The following PCSK6 variants were observed in gnomAD, a reference collection of about 807,000 sequenced individuals.
PCSK6 encodes proprotein convertase subtilisin/kexin type 6, also known as paired basic amino acid cleaving enzyme 4.
A neutral mutation model predicts 123.3 loss-of-function variants in PCSK6; 85 were observed. The observed-to-expected ratio is 0.69, with a 90% confidence interval of 0.58 to 0.83. The LOEUF (loss-of-function observed/expected upper bound fraction) is 0.83. Among genes scored for constraint, PCSK6 ranks in the 40% least tolerant of loss-of-function variants. The pLI, the probability that PCSK6 is intolerant of heterozygous loss-of-function variation, is 0.00. For missense variants in PCSK6, 1,191 were observed against 1,282.3 expected, an observed-to-expected ratio of 0.93 and a Z score of 1.09; for synonymous variants, 508 against 516.0, an observed-to-expected ratio of 0.98 and a Z score of 0.21.
At chr15:101,349,013 C>T (rs576856702) in intron 13 of PCSK6, among the ~76,000 whole-genome samples, 7 of 152,334 alleles carry the variant, frequency 4.6e-5, no homozygotes, top group African/African-American at 1.2e-4. Context: ...GCAAAAGCAC[C>T]ACAGTTCTGA....
Position 101,326,402 on chromosome 15 carries a change from T to C in PCSK6, c.2155A>G (p.Ser719Gly), listed in dbSNP as rs377393841. ...ADQCLNCVHF[S>G]LGSVKTSRKC... ...CTGCTGGTCTTGACACTCCCCAGGC[T>C]GAAGTGGACGCAGTTCAAGCACTGG... The change falls in exon 16 of 22, where the codon AGC becomes GGC. Residue 719 changes from serine to glycine, a missense_variant. By Grantham distance (56) the Ser-to-Gly change is moderately conservative (BLOSUM62 0). Coordinates refer to ENST00000611716, the MANE Select transcript of PCSK6 (RefSeq NM_002570.5). The C allele has an allele frequency of 1.9e-6, 3 of 1,579,636 alleles. No individual in the cohort carries two copies. The highest frequency in any genetic ancestry group is 1.4e-5 in the African/African-American group (1 of 74,022).
chr15:101,349,269 A>G (rs1029766244), intron 13 of PCSK6, among the ~76,000 whole-genome samples: 1 of 152,244 alleles, frequency 6.6e-6, no homozygotes, highest in African/African-American at 2.4e-5. Flanking sequence ...GCTTTTGGTT[A>G]GCAAAGTTTT....
At chr15:101,460,640 T>C (rs1403801300) in intron 1 of PCSK6, among the ~76,000 whole-genome samples, 2 of 152,174 alleles carry the variant, frequency 1.3e-5, no homozygotes, top group Non-Finnish European at 2.9e-5. Flanking sequence ...CTGAGCCCAG[T>C]ACCAGGACTT....
At chr15:101,481,297 T>C (rs2057874153) in intron 1 of PCSK6, among the ~76,000 whole-genome samples, 1 of 146,790 alleles carries the variant, frequency 6.8e-6, no homozygotes, top group Non-Finnish European at 1.5e-5. Context: ...GCAGCAGAAC[T>C]TGGAAGGCTG....
chr15:101,472,362 C>A (rs1233090885), intron 1 of PCSK6, among the ~76,000 whole-genome samples: 1 of 152,270 alleles, frequency 6.6e-6, no homozygotes, highest in Non-Finnish European at 1.5e-5. Context: ...TGCTCCCTTC[C>A]GGCTCTGTCC....
intron 19 of PCSK6, 147 bp from the exon 20 acceptor site, chr15:101,313,652 G>C: frequency 2.4e-6 from 3 of 1,238,866 alleles, no homozygotes; most frequent in Middle Eastern, 2.9e-4. Flanking sequence ...GGTTCTGTGA[G>C]CTGGGCCGTC....
intron 2 of PCSK6, among the ~76,000 whole-genome samples, chr15:101,434,803 G>GCACC (rs35044958): frequency 0.6 from 90,092 of 151,388 alleles, 28,026 homozygotes; most frequent in African/African-American, 0.79. Context: ...GATTCTCCCG[G>GCACC]CACTGTGTCC....
At chr15:101,354,776 C>G (rs1054799362) in intron 13 of PCSK6, among the ~76,000 whole-genome samples, 7 of 152,214 alleles carry the variant, frequency 4.6e-5, no homozygotes, top group African/African-American at 1.7e-4. Flanking sequence ...TGGTTTCGCC[C>G]ACCCTCTTCC....
chr15:101,386,761 G>A (rs976739394), intron 9 of PCSK6, among the ~76,000 whole-genome samples: 1 of 152,186 alleles, frequency 6.6e-6, no homozygotes, highest in African/African-American at 2.4e-5. Flanking sequence ...GGTTGCTCCC[G>A]CCGTTCAGCT....
Position 101,427,917 on chromosome 15 carries a change from G to A in PCSK6, c.798C>T (p.Gly266=). The A allele has an allele frequency of 6.3e-7, 1 of 1,585,464 alleles. No individual in the cohort carries two copies. The highest frequency in any genetic ancestry group is 8.6e-7 in the Non-Finnish European group (1 of 1,165,592). Residue 266 remains glycine (G), a synonymous_variant, in exon 6 of 22, where the codon GGC becomes GGT. Transcript: ENST00000611716. ...CTCCTATTTTGGCATTGTACGCTAT[G>A]CCCACGATGCAGTAGGAATTGTTTG... ...ASANNSYCIV[G]IAYNAKIGGI...
intron 11 of PCSK6, among the ~76,000 whole-genome samples, chr15:101,375,355 G>A (rs575263448): frequency 2.0e-5 from 3 of 152,084 alleles, no homozygotes; most frequent in Admixed American, 6.5e-5. Flanking sequence ...ACACAATGCC[G>A]TCCACAGTTA....
Position 101,476,573 on chromosome 15 carries a change from A to C in PCSK6, c.297+12801T>G, listed in dbSNP as rs536172295. On this transcript the variant is annotated intron_variant, in intron 1 of 21. Transcript: ENST00000611716. ...GATTCCATTTATATTAAAAAAAAAA[A>C]AAACAACAAAAATTCTTTTTGTGTG... Among the ~76,000 whole-genome samples the C allele has an allele frequency of 4.4e-3, 663 of 152,158 alleles. 2 individuals are homozygous for C. The highest frequency in any genetic ancestry group is 7.3e-3 in the Non-Finnish European group (499 of 67,996).
Position 101,305,507 on chromosome 15 carries a change from A to C in PCSK6, c.2813-152T>G. The stretch of plus-strand genomic sequence containing the variant: ...TGGATCACCTGAGGTCAGGAGCTTG[A>C]GACCAGTCTAACCAACATGGTGAAA... On this transcript the variant is annotated intron_variant, in intron 21 of 21. Transcript: ENST00000611716. The surrounding 1 kb of genome is among the most constrained non-coding windows in gnomAD (Gnocchi z 4.8). The C allele has an allele frequency of 1.6e-6, 1 of 621,778 alleles. No homozygotes were observed. Among genetic ancestry groups the C allele is most frequent in the Non-Finnish European group, 2.9e-6 (1 of 341,654 alleles). The allele number at this position is 621,778 out of a possible 1,614,324, so 38.5% of individuals were successfully genotyped here.
chr15:101,328,038 C>T (rs1428752112), intron 15 of PCSK6, among the ~76,000 whole-genome samples: 2 of 152,192 alleles, frequency 1.3e-5, no homozygotes, highest in East Asian at 3.8e-4. Flanking sequence ...GATTCTTTGC[C>T]CACCTCATCC....
chr15:101,334,022 A>T (rs2040423091), intron 13 of PCSK6, among the ~76,000 whole-genome samples: 1 of 152,204 alleles, frequency 6.6e-6, no homozygotes, highest in Non-Finnish European at 1.5e-5. Context: ...GGGCCGGAAG[A>T]GGTAAGCAAG....
rs542168889 is a variant in PCSK6, at chr15:101,479,580, G to A, written c.297+9794C>T. Among the ~76,000 whole-genome samples the A allele has an allele frequency of 5.9e-5, 9 of 152,294 alleles. No individual in the cohort carries two copies. The South Asian group carries it at 1.5e-3, about 25-fold the overall frequency. Reference sequence around the variant, plus strand: ...AGGCTGGTCGGACAGGGCTGTGGTCGGTGCATGCAGAGGCTGGTGGGAGGA... The same window carrying A: ...AGGCTGGTCGGACAGGGCTGTGGTCAGTGCATGCAGAGGCTGGTGGGAGGA... On this transcript the variant is annotated intron_variant, in intron 1 of 21. Coordinates refer to ENST00000611716, the MANE Select transcript of PCSK6 (RefSeq NM_002570.5).
chr15:101,403,230 A>T (rs1325507458), intron 6 of PCSK6, among the ~76,000 whole-genome samples: 31 of 132,728 alleles, frequency 2.3e-4, no homozygotes, highest in Non-Finnish European at 4.0e-4. Context: ...ATGAGAACAC[A>T]TGGACACAGG....
At chr15:101,437,681 C>T (rs1163903888) in intron 2 of PCSK6, among the ~76,000 whole-genome samples, 3 of 152,154 alleles carry the variant, frequency 2.0e-5, no homozygotes, top group African/African-American at 7.2e-5. Flanking sequence ...TGGGACAGTG[C>T]GTGTGAAAGC....
At chr15:101,327,381 G>T (rs1053273800) in intron 15 of PCSK6, among the ~76,000 whole-genome samples, 1 of 152,156 alleles carries the variant, frequency 6.6e-6, no homozygotes, top group Non-Finnish European at 1.5e-5. Flanking sequence ...ACGCTGCAGG[G>T]GTCCTCCCCA....
Sources: gnomAD v4.1 joint callset for allele counts (sites outside exome capture counted in the v4.1 genomes callset) on GRCh38, gnomAD v4.1.1 for gene constraint, Gnocchi (gnomAD v3.1) non-coding constraint, MANE v1.5 for transcripts, NCBI Gene and HGNC (gene_info 2026-07-23, HGNC 2026-07-21) for gene names.